The following CYP46A1 variants were observed in gnomAD, a reference collection of about 807,000 sequenced individuals.
The protein encoded by CYP46A1 is cytochrome P450 family 46 subfamily A member 1.
In CYP46A1, 20 loss-of-function variants were observed where a neutral mutation model predicts 63.3. The observed-to-expected ratio is 0.32, with a 90% CI of 0.22 to 0.46. The LOEUF (loss-of-function observed/expected upper bound fraction) is 0.46, where lower values mean the gene tolerates loss of function less well. Ranked by LOEUF, CYP46A1 falls within the 20% of genes least tolerant of loss-of-function variation. The pLI is 1.00. For synonymous variants in CYP46A1, 268 were observed against 273.6 expected (o/e 0.98, Z 0.20); for missense variants, 445 against 670.8 (o/e 0.66, Z 3.72).
chr14:99,706,605 T>C (rs1251064646), intron 5 of CYP46A1, 42 bp from the exon 6 acceptor site: 2 of 1,609,126 alleles, frequency 1.2e-6, no homozygotes. Flanking sequence ...TCCACCATAT[T>C]GGGCTGGCCA....
At chr14:99,713,777 A>C (rs1040448659) in intron 7 of CYP46A1, among the ~76,000 whole-genome samples, 2 of 145,006 alleles carry the variant, frequency 1.4e-5, no homozygotes, top group Non-Finnish European at 3.0e-5. Context: ...TGGCATTTGT[A>C]GTCCCAGCTA....
rs1429491468 is a variant in CYP46A1 at position 99,722,219 on chromosome 14, A to G, written c.1176+153A>G. Among the ~76,000 whole-genome samples, 1 of 152,100 alleles carries G rather than the reference A, an allele frequency of 6.6e-6. No homozygotes were observed. Among genetic ancestry groups the G allele is most frequent in the Non-Finnish European group, 1.5e-5 (1 of 68,028 alleles). ...GGTCTTTCTCATGGAGTCTCACCATAGCCCTGTGAGGGCTTTTTCCCCTCC... is the reference window on the plus strand; with the variant it reads ...GGTCTTTCTCATGGAGTCTCACCATGGCCCTGTGAGGGCTTTTTCCCCTCC... On this transcript the variant is annotated intron_variant, in intron 12 of 14. Transcript: ENST00000261835. The surrounding 1 kb of genome is among the most constrained non-coding windows in gnomAD (Gnocchi z 4.6).
intron 1 of CYP46A1, among the ~76,000 whole-genome samples, chr14:99,687,322 TTCTC>T (rs2056503044): frequency 6.6e-6 from 1 of 152,260 alleles, no homozygotes; most frequent in Admixed American, 6.5e-5. Flanking sequence ...TGAAAGGTCT[TTCTC>T]TCCCAATTTT....
chr14:99,694,014 T>G (rs1256458015), intron 3 of CYP46A1, among the ~76,000 whole-genome samples: 2 of 152,122 alleles, frequency 1.3e-5, no homozygotes, highest in Non-Finnish European at 2.9e-5. Flanking sequence ...TGGAAACCAC[T>G]ATTCTACCTT....
intron 9 of CYP46A1, among the ~76,000 whole-genome samples, chr14:99,716,475 G>C (rs2056791677): frequency 6.6e-6 from 1 of 152,214 alleles, no homozygotes; most frequent in South Asian, 2.1e-4. Flanking sequence ...CCCTCACTCA[G>C]AATTTGTGGG....
At chr14:99,687,170 C>T (rs17098923) in intron 1 of CYP46A1, among the ~76,000 whole-genome samples, 5,521 of 152,230 alleles carry the variant, frequency 0.036, 124 homozygotes, top group African/African-American at 0.064. Context: ...TGCACCGATC[C>T]GTGTAACAGC....
chr14:99,688,689 T>C (rs1049193208), intron 1 of CYP46A1, among the ~76,000 whole-genome samples: 11 of 152,202 alleles, frequency 7.2e-5, no homozygotes, highest in African/African-American at 2.4e-4. Flanking sequence ...TCGTTCCCTG[T>C]AGCTGCCGCC....
rs185303723 is a variant in CYP46A1, at chr14:99,726,825, T to C, written c.*98T>C. 1,496 of 1,015,414 alleles carry C rather than the reference T, an allele frequency of 1.5e-3. 10 individuals are homozygous for C. The African/African-American group carries it at 0.021, about 15-fold the overall frequency. The allele number at this position is 1,015,414 out of a possible 1,614,324, so 62.9% of individuals were successfully genotyped here. A position where few individuals can be genotyped will look rare whatever the true frequency, so the allele number is the denominator to read the frequency against. On this transcript the variant is annotated 3_prime_UTR_variant, in exon 15 of 15. Coordinates refer to ENST00000261835, the MANE Select transcript of CYP46A1 (RefSeq NM_006668.2). The stretch of plus-strand genomic sequence containing the variant: ...CACCCTTCTCCCCTGCCCCGTCCCC[T>C]GGGCCACCCTTCACGCTGGCTTCCA...
intron 1 of CYP46A1, among the ~76,000 whole-genome samples, chr14:99,687,672 A>G (rs1046539464): frequency 9.8e-5 from 15 of 152,286 alleles, no homozygotes; most frequent in African/African-American, 3.6e-4. Context: ...TCACTGGCCA[A>G]GGTTTTCTCT....
chr14:99,726,631 G>A lies in CYP46A1; in HGVS notation c.1407G>A (p.Gly469=). The A allele has an allele frequency of 6.4e-7, 1 of 1,564,388 alleles. No homozygotes were observed. ...GGCTGGTGCCCGGGCAGCGCTTCGG[G>A]CTGCAGGAGCAGGCCACACTCAAGC... ...EFRLVPGQRF[G]LQEQATLKPL... Residue 469 remains glycine, a synonymous_variant, in exon 15 of 15, where the codon GGG becomes GGA. Transcript: ENST00000261835.
At chr14:99,704,717 C>G (rs889217531) in intron 5 of CYP46A1, among the ~76,000 whole-genome samples, 1 of 152,154 alleles carries the variant, frequency 6.6e-6, no homozygotes, top group Non-Finnish European at 1.5e-5. Context: ...AATCATCTTG[C>G]AAATAAATAT....
At chr14:99,695,974 T>C (rs2056584307) in intron 3 of CYP46A1, among the ~76,000 whole-genome samples, 1 of 152,086 alleles carries the variant, frequency 6.6e-6, no homozygotes. Flanking sequence ...GTTATATCTT[T>C]TTTCTGTTAT....
In CYP46A1 at chr14:99,690,798, C is replaced by T. The variant is rs376149110; in HGVS notation, c.120-283C>T. Among the ~76,000 whole-genome samples the T allele has an allele frequency of 5.5e-4, 83 of 152,264 alleles. 3 individuals carry two copies. In the South Asian group the frequency reaches 0.015, roughly 27 times the overall value. ...TGGGGAATATCTGAGGGTGATCCCA[C>T]ACAATATTATTGAGTCCTTTCTATC... On this transcript the variant is annotated intron_variant, in intron 1 of 14. Transcript: ENST00000261835.
At position 99,724,729 on chromosome 14, in the gene CYP46A1, C is replaced by T. The variant is rs147004271; in HGVS notation, c.1177-662C>T. Among the ~76,000 whole-genome samples, 721 of 152,348 alleles carry T rather than the reference C, an allele frequency of 4.7e-3. 14 individuals carry two copies. The Middle Eastern group carries it at 0.048, about 10-fold the overall frequency. ...CCAGCCCCCACACCGGATGTTCCCA[C>T]ACACTTGCTGGAGCTCAGCTCCAGG... On this transcript the variant is annotated intron_variant, in intron 12 of 14. Transcript: ENST00000261835.
chr14:99,694,699 C>T (rs1253118930), intron 3 of CYP46A1, among the ~76,000 whole-genome samples: 2 of 152,124 alleles, frequency 1.3e-5, no homozygotes, highest in Non-Finnish European at 2.9e-5. Context: ...CAGGGTTTCA[C>T]CATGTTGGCC....
intron 10 of CYP46A1, among the ~76,000 whole-genome samples, chr14:99,718,988 G>A (rs1259517134): frequency 2.0e-5 from 3 of 151,684 alleles, no homozygotes; most frequent in African/African-American, 7.3e-5. Flanking sequence ...TCTCACCTAC[G>A]CATGAGCAGC....
Position 99,722,205 on chromosome 14 carries a change from T to A in CYP46A1, c.1176+139T>A. 1 of 606,738 alleles carries A rather than the reference T, an allele frequency of 1.6e-6. No homozygotes were observed. The highest frequency in any genetic ancestry group is 2.9e-6 in the Non-Finnish European group (1 of 340,262). The allele number at this position is 606,738 out of a possible 1,614,324, so 37.6% of individuals were successfully genotyped here. On this transcript the variant is annotated intron_variant, in intron 12 of 14. Coordinates refer to ENST00000261835, the MANE Select transcript of CYP46A1 (RefSeq NM_006668.2). The surrounding 1 kb of genome is among the most constrained non-coding windows in gnomAD (Gnocchi z 4.6). ...TCACTGGCTGCCCTGGTCTTTCTCA[T>A]GGAGTCTCACCATAGCCCTGTGAGG...
intron 3 of CYP46A1, among the ~76,000 whole-genome samples, chr14:99,697,876 T>C (rs1253493319): frequency 6.6e-6 from 1 of 152,046 alleles, no homozygotes; most frequent in East Asian, 1.9e-4. Flanking sequence ...TCTGCCTTAA[T>C]GGTAGGGATC....
intron 10 of CYP46A1, 92 bp downstream of exon 10, chr14:99,718,218 CT>C: frequency 9.5e-7 from 1 of 1,052,210 alleles, no homozygotes; most frequent in Non-Finnish European, 1.5e-6. Context: ...GTTGAGTCCC[CT>C]CAACATGCCC....
Sources: allele counts gnomAD v4.1 joint callset (sites outside exome capture counted in the v4.1 genomes callset), GRCh38; gene constraint gnomAD v4.1.1; non-coding constraint Gnocchi (gnomAD v3.1); transcripts MANE v1.5; gene names NCBI Gene and HGNC (gene_info 2026-07-23, HGNC 2026-07-21).